Variants in IMMP1L observed in about 807,000 individuals in gnomAD.
The protein encoded by IMMP1L is inner mitochondrial membrane peptidase subunit 1.
Under a neutral mutation model 21.8 loss-of-function variants are expected in IMMP1L, and 24 were observed. The ratio of observed to expected loss-of-function variants is 1.10; its 90% CI spans 0.80 to 1.55. The LOEUF (loss-of-function observed/expected upper bound fraction) is 1.55, where lower values mean the gene tolerates loss of function less well. Ranked by LOEUF, IMMP1L falls within the 40% of genes most tolerant of loss-of-function variation. The pLI, the probability that IMMP1L is intolerant of heterozygous loss-of-function variation, is 0.00. For synonymous variants in IMMP1L, 46 were observed against 62.8 expected (o/e 0.73, Z 1.26); for missense variants, 195 against 200.7 (o/e 0.97, Z 0.17).
At chr11:31,480,360 TA>T (rs1166306427) in intron 1 of IMMP1L, among the ~76,000 whole-genome samples, 2 of 152,144 alleles carry the variant, frequency 1.3e-5, no homozygotes, top group African/African-American at 4.8e-5. Flanking sequence ...GAAATTCTTT[TA>T]AAAAATCCTT....
chr11:31,458,774 C>G (rs1241788476), intron 3 of IMMP1L, among the ~76,000 whole-genome samples: 1 of 152,144 alleles, frequency 6.6e-6, no homozygotes, highest in East Asian at 1.9e-4. Flanking sequence ...GTCCTGTAAC[C>G]TGGATGAATA....
At chr11:31,508,554 A>G (rs1002370939) in intron 1 of IMMP1L, among the ~76,000 whole-genome samples, 1 of 152,234 alleles carries the variant, frequency 6.6e-6, no homozygotes, top group Non-Finnish European at 1.5e-5. Context: ...GAAAAACTCC[A>G]GTCACTATTT....
At chr11:31,473,152 C>T (rs1954623438) in intron 1 of IMMP1L, among the ~76,000 whole-genome samples, 5 of 152,232 alleles carry the variant, frequency 3.3e-5, no homozygotes, top group Admixed American at 2.6e-4. Context: ...CGGGTTCACG[C>T]CATTCTCCTG....
intron 3 of IMMP1L, among the ~76,000 whole-genome samples, chr11:31,460,114 G>A (rs1465538460): frequency 6.6e-6 from 1 of 152,004 alleles, no homozygotes; most frequent in Non-Finnish European, 1.5e-5. Context: ...CTGAGATCGT[G>A]TCACTGCACT....
intron 1 of IMMP1L, among the ~76,000 whole-genome samples, chr11:31,473,964 G>A (rs1250751931): frequency 2.6e-5 from 4 of 152,108 alleles, no homozygotes; most frequent in African/African-American, 9.7e-5. Flanking sequence ...TGTCATTAAT[G>A]TATTTTTGTT....
intron 4 of IMMP1L, among the ~76,000 whole-genome samples, chr11:31,455,374 T>C (rs1300678547): frequency 1.3e-5 from 2 of 152,172 alleles, no homozygotes; most frequent in Admixed American, 6.5e-5. Context: ...GAAGAGTATA[T>C]GCTGAGTAAA....
At chr11:31,503,486 G>A (rs550488705) in intron 1 of IMMP1L, among the ~76,000 whole-genome samples, 32 of 152,040 alleles carry the variant, frequency 2.1e-4, no homozygotes, top group East Asian at 3.9e-4. Context: ...TAAAGATTAC[G>A]TGAAAAATCC....
rs919040873 is a variant in IMMP1L, at chr11:31,471,315, G to A, written c.-29-8010C>T. Among the ~76,000 whole-genome samples, 11 of 152,164 alleles carry A rather than the reference G, an allele frequency of 7.2e-5. No homozygotes were observed. In the South Asian group the frequency reaches 1.2e-3, roughly 17 times the overall value. ...TAGACCTCAATGAAGGTGTTAACCC[G>A]AGGATCTTTCTCCCTCTCCTTCCCT... On this transcript the variant is annotated intron_variant, in intron 1 of 5. Coordinates refer to ENST00000532287, the MANE Select transcript of IMMP1L (RefSeq NM_001304274.2).
chr11:31,474,477 G>A (rs965521638), intron 1 of IMMP1L, among the ~76,000 whole-genome samples: 1 of 152,082 alleles, frequency 6.6e-6, no homozygotes, highest in African/African-American at 2.4e-5. Context: ...TTCTAAAACT[G>A]CAAACTCAAG....
chr11:31,473,307 C>T (rs1315804101), intron 1 of IMMP1L, among the ~76,000 whole-genome samples: 1 of 152,168 alleles, frequency 6.6e-6, no homozygotes, highest in Non-Finnish European at 1.5e-5. Flanking sequence ...CCTCAGCCTC[C>T]CAAAGTGCTG....
At chr11:31,475,450 G>T (rs1321499978) in intron 1 of IMMP1L, among the ~76,000 whole-genome samples, 1 of 152,130 alleles carries the variant, frequency 6.6e-6, no homozygotes, top group African/African-American at 2.4e-5. Context: ...AGAGAGATCA[G>T]CCTCCAACTC....
intron 1 of IMMP1L, among the ~76,000 whole-genome samples, chr11:31,469,191 T>C (rs1459279752): frequency 6.6e-6 from 1 of 152,134 alleles, no homozygotes; most frequent in African/African-American, 2.4e-5. Context: ...ATAAGCATGC[T>C]ATAAAATAGT....
At chr11:31,437,437 G>C (rs1302763086) in intron 4 of IMMP1L, among the ~76,000 whole-genome samples, 2 of 152,130 alleles carry the variant, frequency 1.3e-5, no homozygotes, top group Admixed American at 6.6e-5. Flanking sequence ...TCAGATTTGG[G>C]AGCATATTGG....
intron 1 of IMMP1L, among the ~76,000 whole-genome samples, chr11:31,488,946 G>C (rs1021537886): frequency 5.3e-5 from 8 of 151,632 alleles, no homozygotes; most frequent in Non-Finnish European, 8.8e-5. Flanking sequence ...GCCCAGGCTG[G>C]AGTGCAGTGG....
chr11:31,478,360 T>C (rs1954789381), intron 1 of IMMP1L, among the ~76,000 whole-genome samples: 1 of 152,224 alleles, frequency 6.6e-6, no homozygotes, highest in Non-Finnish European at 1.5e-5. Context: ...GTTATTCTTT[T>C]TTATTCTGTG....
chr11:31,485,183 C>T (rs1955030377), intron 1 of IMMP1L, among the ~76,000 whole-genome samples: 1 of 151,740 alleles, frequency 6.6e-6, no homozygotes, highest in South Asian at 2.1e-4. Flanking sequence ...TTTTTTAAAG[C>T]CGTAATTTCA....
chr11:31,508,312 T>A (rs1955854405), intron 1 of IMMP1L, among the ~76,000 whole-genome samples: 1 of 152,224 alleles, frequency 6.6e-6, no homozygotes, highest in Non-Finnish European at 1.5e-5. Flanking sequence ...TTGTTTTCTA[T>A]GTGTTAATTT....
At chr11:31,474,126 G>C (rs1044240511) in intron 1 of IMMP1L, among the ~76,000 whole-genome samples, 2 of 152,146 alleles carry the variant, frequency 1.3e-5, no homozygotes, top group African/African-American at 4.8e-5. Flanking sequence ...AGAAAAAATA[G>C]TAGATTTTGA....
At chr11:31,496,890 G>A (rs1955458758) in intron 1 of IMMP1L, among the ~76,000 whole-genome samples, 2 of 146,512 alleles carry the variant, frequency 1.4e-5, no homozygotes, top group Admixed American at 6.9e-5. Flanking sequence ...TGATATATAT[G>A]ATCTTATATC....
Sources: gnomAD v4.1 joint callset for allele counts (sites outside exome capture counted in the v4.1 genomes callset) on GRCh38, gnomAD v4.1.1 for gene constraint, MANE v1.5 for transcripts, NCBI Gene and HGNC (gene_info 2026-07-23, HGNC 2026-07-21) for gene names.